The following PLAA variants were observed in gnomAD, a reference collection of about 807,000 sequenced individuals.
PLAA encodes the protein phospholipase A-2-activating protein.
A neutral mutation model predicts 84.1 loss-of-function variants in PLAA; 48 were observed. The ratio of observed to expected loss-of-function variants is 0.57; its 90% CI spans 0.45 to 0.73. The LOEUF (loss-of-function observed/expected upper bound fraction) is 0.73, where lower values mean the gene tolerates loss of function less well. Ranked by LOEUF, PLAA falls within the 30% of genes least tolerant of loss-of-function variation. The probability of loss-of-function intolerance (pLI) is 0.00; values close to 1 mark genes in which losing one functional copy is unlikely to be tolerated. For missense variants in PLAA, 903 were observed against 954.7 expected (o/e 0.95, Z 0.71); for synonymous variants, 392 against 336.6 (o/e 1.16, Z -1.80).
At chr9:26,933,676 C>T in intron 2 of PLAA, among the ~76,000 whole-genome samples, 1 of 149,028 alleles carries the variant, frequency 6.7e-6, no homozygotes, top group East Asian at 2.0e-4. Flanking sequence ...GTAGTCCCAG[C>T]TACTCGGCAG....
chr9:26,908,884 T>C lies in PLAA; in HGVS notation c.1658-886A>G, dbSNP rs10967592. 9.1e-3 allele frequency among the ~76,000 whole-genome samples: 1,383 copies of C among 152,324 alleles called. 16 individuals are homozygous for C. The highest frequency in any genetic ancestry group is 0.031 in the African/African-American group (1,290 of 41,572). On this transcript the variant is annotated intron_variant, in intron 12 of 13. Transcript: ENST00000397292. ...TTATAACAACTTTTTAGCCAATTTA[T>C]GTCAAATTCTACAGCTGTCAATGAA...
At chr9:26,939,604 T>C (rs1002239248) in intron 1 of PLAA, among the ~76,000 whole-genome samples, 14 of 151,374 alleles carry the variant, frequency 9.2e-5, no homozygotes, top group Admixed American at 3.3e-4. Context: ...AAGACAAAGA[T>C]TGGCAGAAAC....
chr9:26,942,241 A>G (rs1825565691), intron 1 of PLAA, among the ~76,000 whole-genome samples: 1 of 152,254 alleles, frequency 6.6e-6, no homozygotes, highest in Non-Finnish European at 1.5e-5. Context: ...ACCAACCAAG[A>G]GAAAGCTAAA....
At chr9:26,919,629 G>A in intron 8 of PLAA, 100 bp from the exon 9 acceptor site, 1 of 698,464 alleles carries the variant, frequency 1.4e-6, no homozygotes. Context: ...AATAATTACA[G>A]TACTTAAACT....
In PLAA at chr9:26,946,997, G is replaced by A. The variant is rs1197603461; in HGVS notation, c.49C>T (p.His17Tyr). 1 of 1,595,048 alleles carries A rather than the reference G, an allele frequency of 6.3e-7. No individual in the cohort carries two copies. The highest frequency in any genetic ancestry group is 1.3e-5 in the African/African-American group (1 of 74,648). The change falls in exon 1 of 14, where the codon CAC (histidine) becomes TAC (tyrosine). Residue 17 changes from histidine to tyrosine, a missense_variant. Coordinates refer to ENST00000397292, the MANE Select transcript of PLAA (RefSeq NM_001031689.3). ...ACCAGGCCCCGTACGTCCAGCTCGT[G>A]GCCCCGGAGCGAGCAGCTCAGCCGG... ...RYRLSCSLRGHELDVRGLVCC... is the reference protein window; with the variant it reads ...RYRLSCSLRGYELDVRGLVCC...
chr9:26,918,025 A>G (rs980329300), intron 9 of PLAA, among the ~76,000 whole-genome samples: 4 of 152,210 alleles, frequency 2.6e-5, no homozygotes, highest in Non-Finnish European at 5.9e-5. Context: ...TCCACATACT[A>G]AACAATTATT....
At chr9:26,946,193 T>C (rs1456195199) in intron 1 of PLAA, among the ~76,000 whole-genome samples, 1 of 152,152 alleles carries the variant, frequency 6.6e-6, no homozygotes, top group African/African-American at 2.4e-5. Context: ...TTCTAGGTCT[T>C]AAATATCCTG....
At chr9:26,943,282 G>A (rs1281818413) in intron 1 of PLAA, among the ~76,000 whole-genome samples, 1 of 152,138 alleles carries the variant, frequency 6.6e-6, no homozygotes, top group African/African-American at 2.4e-5. Flanking sequence ...AGACTTTCTG[G>A]GTTTTCAAAG....
At chr9:26,936,763 G>C (rs1825371259) in intron 1 of PLAA, among the ~76,000 whole-genome samples, 1 of 152,110 alleles carries the variant, frequency 6.6e-6, no homozygotes, top group African/African-American at 2.4e-5. Context: ...CAACAAAGAG[G>C]CAGGCAGCCA....
chr9:26,906,100 ATGCTTATG>A, intron 13 of PLAA, 24 bp from the exon 14 acceptor site: 2 of 1,368,848 alleles, frequency 1.5e-6, no homozygotes, highest in Non-Finnish European at 1.9e-6. Context: ...AAAGTCATTA[ATGCTTATG>A]AAAATAAAGA....
In PLAA at chr9:26,923,314, T is replaced by A; in HGVS notation, c.903A>T (p.Glu301Asp). The A allele has an allele frequency of 6.2e-7, 1 of 1,613,130 alleles. No homozygotes were observed. The highest frequency in any genetic ancestry group is 1.1e-5 in the South Asian group (1 of 90,902). ...TTTCTTCAGCACTTGCTGTTCGATC[T>A]TCTGATTCTGTAAACACTCTAATAA... ...DGIIRVFTES[E>D]DRTASAEEIK... The change falls in exon 7 of 14, where the codon GAA becomes GAT. Residue 301 changes from glutamate to aspartate, a missense_variant. Transcript: ENST00000397292.
chr9:26,911,051 C>T (rs1376295360), intron 11 of PLAA, among the ~76,000 whole-genome samples: 4 of 148,426 alleles, frequency 2.7e-5, no homozygotes, highest in Non-Finnish European at 6.0e-5. Context: ...CCTAGTCTTT[C>T]TTTTTTTTTT....
rs370535508 is a variant in PLAA, at chr9:26,946,267, C to T, written c.149+630G>A. ...ATCAGGACTGATTCCTAACCTTTTTCTTCTTTTTTTTTTTGGTTCGTGAAC... is the reference window on the plus strand; with the variant it reads ...ATCAGGACTGATTCCTAACCTTTTTTTTCTTTTTTTTTTTGGTTCGTGAAC... On this transcript the variant is annotated intron_variant, in intron 1 of 13. Transcript: ENST00000397292. Among the ~76,000 whole-genome samples, 164 of 150,508 alleles carry T rather than the reference C, an allele frequency of 1.1e-3. 1 individual carries two copies. The highest frequency in any genetic ancestry group is 3.9e-3 in the African/African-American group (157 of 40,328).
At chr9:26,923,483 C>T (rs1824840655) in intron 6 of PLAA, 136 bp from the exon 7 acceptor site, 2 of 645,136 alleles carry the variant, frequency 3.1e-6, no homozygotes, top group South Asian at 4.3e-5. Context: ...TTGCTGATTA[C>T]AGCACTGTGC....
intron 9 of PLAA, 84 bp from the exon 10 acceptor site, chr9:26,917,249 C>G: frequency 9.4e-7 from 1 of 1,065,818 alleles, no homozygotes; most frequent in Middle Eastern, 2.1e-4. Context: ...TTAGAAGAAC[C>G]TACATTTGGA....
At chr9:26,946,506 T>G (rs1484492448) in intron 1 of PLAA, among the ~76,000 whole-genome samples, 2 of 145,708 alleles carry the variant, frequency 1.4e-5, no homozygotes, top group Admixed American at 6.9e-5. Context: ...ACAGAGCATC[T>G]TCTTCGAAAA....
intron 4 of PLAA, among the ~76,000 whole-genome samples, 183 bp from the exon 5 acceptor site, chr9:26,926,743 T>C (rs1332428444): frequency 1.3e-5 from 2 of 152,162 alleles, no homozygotes; most frequent in Non-Finnish European, 2.9e-5. Flanking sequence ...AGCAATATTT[T>C]TTTATCACCA....
intron 1 of PLAA, among the ~76,000 whole-genome samples, chr9:26,940,990 A>C (rs1302625584): frequency 6.6e-6 from 1 of 152,180 alleles, no homozygotes; most frequent in Non-Finnish European, 1.5e-5. Context: ...TTAACACTTC[A>C]AAGCATAGAT....
intron 10 of PLAA, chr9:26,915,771 G>A (rs1207439849): frequency 1.0e-6 from 1 of 985,102 alleles, no homozygotes; most frequent in Admixed American, 6.2e-5. Context: ...AGTGAGATAT[G>A]CTCTGGTTAT....
Sources: gnomAD v4.1 joint callset for allele counts (sites outside exome capture counted in the v4.1 genomes callset) on GRCh38, gnomAD v4.1.1 for gene constraint, MANE v1.5 for transcripts, NCBI Gene and HGNC (gene_info 2026-07-23, HGNC 2026-07-21) for gene names.